The following CORO7 variants were observed in gnomAD, a reference collection of about 807,000 sequenced individuals.
The protein encoded by CORO7 is coronin-7.
A neutral mutation model predicts 126.6 loss-of-function variants in CORO7; 107 were observed. The ratio of observed to expected loss-of-function variants is 0.85; its 90% confidence interval spans 0.72 to 0.99. CORO7 has a LOEUF of 0.99. CORO7 is among the 50% of genes least tolerant of loss of function. The probability of loss-of-function intolerance (pLI) is 0.00; values close to 1 mark genes in which losing one functional copy is unlikely to be tolerated. For missense variants in CORO7, 1,314 were observed against 1,255.8 expected (o/e 1.05, Z -0.70); for synonymous variants, 603 against 536.8 (o/e 1.12, Z -1.70).
chr16:4,407,713 A>G (rs759122477), intron 4 of CORO7, 29 bp from the exon 5 acceptor site: 1 of 1,536,784 alleles, frequency 6.5e-7, no homozygotes, highest in Non-Finnish European at 8.7e-7. Flanking sequence ...CCGTGAGCAC[A>G]GGGCTGAGGG....
At chr16:4,394,786 G>A (rs369841899) in intron 7 of CORO7, among the ~76,000 whole-genome samples, 1 of 152,244 alleles carries the variant, frequency 6.6e-6, no homozygotes, top group Non-Finnish European at 1.5e-5. Context: ...GATGCCTGCA[G>A]CATGAGCCAG....
In CORO7 at chr16:4,416,484, G is replaced by C. The variant is rs772376743; in HGVS notation, c.35C>G (p.Thr12Ser). ...NRFRVSKFRH[T>S]EARPPRRESW... ...CTCGCGGCGGGGCGGCCGAGCCTCG[G>C]TGTGCCGGAACTTGGACACCCTGAA... The change falls in exon 1 of 28, where the codon ACC (threonine) becomes AGC (serine). Residue 12 changes from threonine (T) to serine (S), a missense_variant. Transcript: ENST00000251166. 6.3e-7 allele frequency: 1 copy of C among 1,579,210 alleles called. No individual in the cohort carries two copies. The highest frequency in any genetic ancestry group is 1.1e-5 in the South Asian group (1 of 87,534).
rs751899458 is a variant in CORO7, at chr16:4,413,375, G to A, written c.90C>T (p.Thr30=). Residue 30 remains threonine, a synonymous_variant, in exon 2 of 28, where the codon ACC becomes ACT. Transcript: ENST00000251166. ...ESWISDIRAG[T]APSCRNHIKS... ...TGATGTGGTTCCTGCATGAAGGGGC[G>A]GTTCCTGCTCGAATGTCACTGATCC... is the stretch of plus-strand genomic sequence containing the variant. 76 of 1,581,816 alleles carry A rather than the reference G, an allele frequency of 4.8e-5. No individual in the cohort carries two copies. Among genetic ancestry groups the A allele is most frequent in the Non-Finnish European group, 5.6e-5 (65 of 1,162,784 alleles).
At chr16:4,382,114 A>C in intron 9 of CORO7, 1 of 1,585,702 alleles carries the variant, frequency 6.3e-7, no homozygotes. Context: ...CCCACCGTCC[A>C]CCTGCCTCAA....
rs372866483 is a variant in CORO7, at chr16:4,385,933, C to G, written c.785+2053G>C. Among the ~76,000 whole-genome samples, 291 of 152,356 alleles carry G rather than the reference C, an allele frequency of 1.9e-3. 2 individuals are homozygous for G. Among genetic ancestry groups the G allele is most frequent in the African/African-American group, 6.5e-3 (271 of 41,592 alleles). ...TGGTGGAGTGGATGCAGTTGCCAAC[C>G]TCCCCATTAGCCGTGCCCACAGATG... On this transcript the variant is annotated intron_variant, in intron 9 of 27. Coordinates refer to ENST00000251166, the MANE Select transcript of CORO7 (RefSeq NM_024535.5).
At chr16:4,400,817 A>C (rs2055772583) in intron 6 of CORO7, among the ~76,000 whole-genome samples, 1 of 149,080 alleles carries the variant, frequency 6.7e-6, no homozygotes, top group Admixed American at 6.7e-5. Flanking sequence ...AATAATAATA[A>C]TAATAATAAT....
chr16:4,395,614 G>A lies in CORO7; in HGVS notation c.565-275C>T, dbSNP rs374466838. 5.9e-5 allele frequency among the ~76,000 whole-genome samples: 9 copies of A among 152,262 alleles called. No homozygotes were observed. The East Asian group carries it at 1.4e-3, about 23-fold the overall frequency. ...TTCAGCTTCCTGAGACCTGCTCCAC[G>A]TCAGGCATCCCAGACACTCGACCCC... On this transcript the variant is annotated intron_variant, in intron 6 of 27. Transcript: ENST00000251166.
rs368156701 is a variant in CORO7, at chr16:4,360,550, T to A, written c.1918-2A>T. The stretch of plus-strand genomic sequence containing the variant: ...AGGACTCCAGGCCAGGCTGAAGATC[T>A]GGGGGCAGGAAGGGATATGAGAGAC... On this transcript the variant is annotated splice_acceptor_variant, in intron 19 of 27. Coordinates refer to ENST00000251166, the MANE Select transcript of CORO7 (RefSeq NM_024535.5). LOFTEE classifies it high-confidence loss of function. 41 of 1,596,424 alleles carry A rather than the reference T, an allele frequency of 2.6e-5. No homozygotes were observed. The highest frequency in any genetic ancestry group is 3.4e-5 in the Non-Finnish European group (40 of 1,172,076).
At chr16:4,411,736 A>C (rs2056218124) in intron 3 of CORO7, among the ~76,000 whole-genome samples, 1 of 151,874 alleles carries the variant, frequency 6.6e-6, no homozygotes, top group Non-Finnish European at 1.5e-5. Flanking sequence ...GCCTCCAAAC[A>C]AGCAGCCAGA....
intron 23 of CORO7, 82 bp from the exon 24 acceptor site, chr16:4,358,565 C>T (rs2054058216): frequency 2.2e-6 from 3 of 1,386,182 alleles, no homozygotes; most frequent in Non-Finnish European, 2.9e-6. Context: ...GTGCCGGCAC[C>T]CCTCACTTAG....
intron 10 of CORO7, 61 bp from the exon 11 acceptor site, chr16:4,365,121 T>C: frequency 6.4e-7 from 1 of 1,551,042 alleles, no homozygotes; most frequent in Non-Finnish European, 8.7e-7. Flanking sequence ...GGCCCAGGAC[T>C]GGCATCAGCT....
Position 4,362,987 on chromosome 16 carries a change from A to C in CORO7, c.1276-249T>G, listed in dbSNP as rs1296012835. 2.6e-6 allele frequency: 1 copy of C among 390,450 alleles called. No homozygotes were observed. Among genetic ancestry groups the C allele is most frequent in the Non-Finnish European group, 4.5e-6 (1 of 222,262 alleles). The allele number at this position is 390,450 out of a possible 1,614,324, so 24.2% of individuals were successfully genotyped here. ...CCCAGCCCTGCAGGAGGGTGTGCCC[A>C]GTGGGTTAGATCTGCCAGTATTTTA... On this transcript the variant is annotated intron_variant, in intron 14 of 27. Coordinates refer to ENST00000251166, the MANE Select transcript of CORO7 (RefSeq NM_024535.5). The surrounding 1 kb of genome is among the most constrained non-coding windows in gnomAD (Gnocchi z 5.3).
intron 14 of CORO7, among the ~76,000 whole-genome samples, chr16:4,363,395 T>C (rs918075139): frequency 6.7e-6 from 1 of 148,454 alleles, no homozygotes; most frequent in Non-Finnish European, 1.5e-5. Flanking sequence ...TGAAAACCCG[T>C]CTCTACTAAA....
At chr16:4,375,488 G>C (rs1016256906) in intron 9 of CORO7, among the ~76,000 whole-genome samples, 8 of 151,630 alleles carry the variant, frequency 5.3e-5, no homozygotes, top group African/African-American at 1.7e-4. Context: ...CTCACTCCTA[G>C]ACATTCTTTT....
chr16:4,376,437 T>C (rs1308248598), intron 9 of CORO7, among the ~76,000 whole-genome samples: 1 of 152,142 alleles, frequency 6.6e-6, no homozygotes, highest in East Asian at 1.9e-4. Flanking sequence ...CTGCAGCGCC[T>C]GTCCTGCACC....
chr16:4,391,276 G>A (rs907776214), intron 7 of CORO7, among the ~76,000 whole-genome samples: 17 of 152,034 alleles, frequency 1.1e-4, no homozygotes, highest in Non-Finnish European at 2.9e-5. Flanking sequence ...CAAACACTAG[G>A]CCGGCACAGT....
chr16:4,369,516 G>T (rs112617167), intron 9 of CORO7, among the ~76,000 whole-genome samples: 1 of 152,200 alleles, frequency 6.6e-6, no homozygotes, highest in Non-Finnish European at 1.5e-5. Context: ...GCCCAGATCT[G>T]CCCCCGCCCC....
At position 4,412,407 on chromosome 16, in the gene CORO7, G is replaced by T; in HGVS notation, c.181C>A (p.Gln61Lys). The change falls in exon 3 of 28, where the codon CAA becomes AAA. Residue 61 changes from glutamine (Q) to lysine (K), a missense_variant. By Grantham distance (53) the Gln-to-Lys change is moderately conservative. Transcript: ENST00000251166. ...RPGVLGIVPLQGQGEDKRRVA... is the reference protein window; with the variant it reads ...RPGVLGIVPLKGQGEDKRRVA... ...CGTCGCTTGTCCTCTCCTTGGCCTT[G>T]CAGAGGCACAATGCCCAGTACACCT... 1 of 1,614,230 alleles carries T rather than the reference G, an allele frequency of 6.2e-7. No individual in the cohort carries two copies. Among genetic ancestry groups the T allele is most frequent in the Non-Finnish European group, 8.5e-7 (1 of 1,180,038 alleles).
chr16:4,382,888 C>A, intron 9 of CORO7: 1 of 1,529,210 alleles, frequency 6.5e-7, no homozygotes, highest in Non-Finnish European at 8.8e-7. Context: ...CCACGCAAAG[C>A]CCTACATCTA....
Sources: gnomAD v4.1 joint callset for allele counts (sites outside exome capture counted in the v4.1 genomes callset) on GRCh38, gnomAD v4.1.1 for gene constraint, Gnocchi (gnomAD v3.1) non-coding constraint, MANE v1.5 for transcripts, NCBI Gene and HGNC (gene_info 2026-07-23, HGNC 2026-07-21) for gene names.